Variants in HPS1 observed in about 807,000 individuals in gnomAD.
HPS1 encodes BLOC-3 complex member HPS1.
In HPS1, 59 loss-of-function variants were observed where a neutral mutation model predicts 90.6. The observed-to-expected ratio is 0.65, with a 90% CI of 0.53 to 0.81. The LOEUF (loss-of-function observed/expected upper bound fraction) is 0.81, where lower values mean the gene tolerates loss of function less well. Among genes scored for constraint, HPS1 ranks in the 30% least tolerant of loss-of-function variants. The probability of loss-of-function intolerance (pLI) is 0.00; values close to 1 mark genes in which losing one functional copy is unlikely to be tolerated. For synonymous variants in HPS1, 388 were observed against 384.4 expected (o/e 1.01, Z -0.11); for missense variants, 849 against 896.7 (o/e 0.95, Z 0.68).
intron 14 of HPS1, 102 bp from the exon 15 acceptor site, chr10:98,423,989 G>GT: frequency 3.3e-6 from 5 of 1,495,538 alleles, no homozygotes; most frequent in Non-Finnish European, 4.6e-6. Context: ...ACAGACCTGG[G>GT]GAGCCCTTCC....
chr10:98,435,343 C>T lies in HPS1; in HGVS notation c.327G>A (p.Leu109=). Residue 109 remains leucine, a synonymous_variant, in exon 5 of 20, where the codon CTG becomes CTA. Coordinates refer to ENST00000361490, the MANE Select transcript of HPS1 (RefSeq NM_000195.5). This position sits in a 1 kb window ranked among gnomAD's most constrained non-coding sequence, Gnocchi z 4.3. ...CTTCAAACAGGTACTTGAGCACATA[C>T]AGCTTCCGCCGCAGGTCCCCCTCGC... ...TESEGDLRRK[L]YVLKYLFEVH... is the part of the protein sequence containing the mutation. 6.2e-7 allele frequency: 1 copy of T among 1,613,980 alleles called. No individual in the cohort carries two copies. Among genetic ancestry groups the T allele is most frequent in the Non-Finnish European group, 8.5e-7 (1 of 1,180,006 alleles).
In HPS1 at chr10:98,445,724, T is replaced by C. The variant is rs894906268; in HGVS notation, c.-105-320A>G. Among the ~76,000 whole-genome samples, 1 of 152,168 alleles carries C rather than the reference T, an allele frequency of 6.6e-6. No homozygotes were observed. The highest frequency in any genetic ancestry group is 1.5e-5 in the Non-Finnish European group (1 of 68,024). ...CCCCAGGGAGCTTGCTAGGAGTGAC[T>C]GACGGGAGACAGCATAGCACATCCC... is the stretch of plus-strand genomic sequence containing the variant. On this transcript the variant is annotated intron_variant, in intron 1 of 19. Coordinates refer to ENST00000361490, the MANE Select transcript of HPS1 (RefSeq NM_000195.5). This position sits in a 1 kb window ranked among gnomAD's most constrained non-coding sequence, Gnocchi z 4.5.
chr10:98,422,339 C>T (rs1336965776), intron 17 of HPS1, 30 bp downstream of exon 17: 2 of 1,588,960 alleles, frequency 1.3e-6, no homozygotes, highest in Non-Finnish European at 8.6e-7. Flanking sequence ...CTGAGGCCCA[C>T]CCATCCCCGC....
chr10:98,438,882 T>A (rs916621482), intron 3 of HPS1, among the ~76,000 whole-genome samples: 2 of 152,272 alleles, frequency 1.3e-5, no homozygotes, highest in African/African-American at 4.8e-5. Flanking sequence ...AAGAAAAAAC[T>A]GTTTCAGGGG....
At chr10:98,426,054 C>A in intron 11 of HPS1, 69 bp from the exon 12 acceptor site, 1 of 1,330,004 alleles carries the variant, frequency 7.5e-7, no homozygotes, top group South Asian at 1.2e-5. Context: ...GCGGCCCTAT[C>A]TGTGAACCAC....
chr10:98,424,024 T>G, intron 14 of HPS1, 137 bp from the exon 15 acceptor site: 1 of 1,170,320 alleles, frequency 8.5e-7, no homozygotes, highest in Non-Finnish European at 1.2e-6. Flanking sequence ...CCCACTCTTG[T>G]ACCCAGGACA....
chr10:98,434,962 T>G, intron 5 of HPS1: 3 of 413,714 alleles, frequency 7.3e-6, no homozygotes, highest in East Asian at 5.3e-5. Flanking sequence ...TGACGGGTGA[T>G]GATGTTGGGA....
At position 98,434,201 on chromosome 10, in the gene HPS1, A is replaced by G. The variant is rs10748731; in HGVS notation, c.399-110T>C. Reference sequence around the variant, plus strand: ...CAGCATCAGAGCTTGGTGAGCCCATATGACCTGCCCACACAGCTGGGAAAG... The same window carrying G: ...CAGCATCAGAGCTTGGTGAGCCCATGTGACCTGCCCACACAGCTGGGAAAG... On this transcript the variant is annotated intron_variant, in intron 5 of 19. Coordinates refer to ENST00000361490, the MANE Select transcript of HPS1 (RefSeq NM_000195.5). 330,558 of 1,123,438 alleles carry G rather than the reference A, an allele frequency of 0.29. 49,221 individuals carry two copies. The highest frequency in any genetic ancestry group is 0.37 in the African/African-American group (23,719 of 64,650). 69.6% of individuals were successfully genotyped at this position (1,123,438 alleles called of 1,614,324 possible).
rs769932435 is a variant in HPS1 at position 98,435,367 on chromosome 10, G to A, written c.303C>T (p.Ser101=). 1.1e-5 allele frequency: 17 copies of A among 1,613,792 alleles called. No individual in the cohort carries two copies. Among genetic ancestry groups the A allele is most frequent in the East Asian group, 4.5e-5 (2 of 44,864 alleles). The change falls in exon 5 of 20, where the codon AGC becomes AGT. Residue 101 remains serine (S), a synonymous_variant. Coordinates refer to ENST00000361490, the MANE Select transcript of HPS1 (RefSeq NM_000195.5). This position sits in a 1 kb window ranked among gnomAD's most constrained non-coding sequence, Gnocchi z 4.3. ...FIAINGDHTE[S]EGDLRRKLYV... is the part of the protein sequence containing the mutation. The stretch of plus-strand genomic sequence containing the variant: ...ACAGCTTCCGCCGCAGGTCCCCCTC[G>A]CTCTCGGTGTGGTCACCATTGATGG...
intron 17 of HPS1, among the ~76,000 whole-genome samples, chr10:98,421,334 C>A (rs149515806): frequency 5.9e-5 from 9 of 152,280 alleles, no homozygotes; most frequent in African/African-American, 2.2e-4. Context: ...GAGATGGGGA[C>A]CCAGATGTAT....
intron 17 of HPS1, among the ~76,000 whole-genome samples, chr10:98,421,049 T>C (rs1476001864): frequency 6.6e-6 from 1 of 152,140 alleles, no homozygotes; most frequent in Admixed American, 6.5e-5. Flanking sequence ...GTGCTGCCGG[T>C]GAAGTGCCCC....
chr10:98,433,426 T>C (rs1846809218), intron 6 of HPS1, among the ~76,000 whole-genome samples: 1 of 152,220 alleles, frequency 6.6e-6, no homozygotes. Flanking sequence ...GGAGTGCTAC[T>C]GACCAGCAGC....
intron 17 of HPS1, among the ~76,000 whole-genome samples, chr10:98,421,380 A>T (rs1055658959): frequency 1.3e-5 from 2 of 152,250 alleles, no homozygotes; most frequent in Non-Finnish European, 2.9e-5. Context: ...TATAACAGCA[A>T]AAGCCTAGAA....
At chr10:98,420,313 G>C in intron 17 of HPS1, 155 bp from the exon 18 acceptor site, 2 of 680,520 alleles carry the variant, frequency 2.9e-6, no homozygotes, top group Non-Finnish European at 2.7e-6. Context: ...AGAGCAGGAG[G>C]CTCAACAATA....
chr10:98,426,014 G>A (rs1845559005), intron 11 of HPS1, 29 bp from the exon 12 acceptor site: 1 of 1,609,754 alleles, frequency 6.2e-7, no homozygotes, highest in Non-Finnish European at 8.5e-7. Flanking sequence ...TGCAGTGAGA[G>A]GTGGGATCCC....
chr10:98,429,325 T>A, intron 10 of HPS1: 1 of 1,432,626 alleles, frequency 7.0e-7, no homozygotes, highest in Non-Finnish European at 9.1e-7. Flanking sequence ...TACAGAAGTT[T>A]TAAATGAATC....
At chr10:98,418,646 T>G (rs1231432077) in intron 18 of HPS1, among the ~76,000 whole-genome samples, 2 of 152,166 alleles carry the variant, frequency 1.3e-5, no homozygotes, top group African/African-American at 4.8e-5. Flanking sequence ...GGAAGGGAAT[T>G]AAGATCTGCT....
At position 98,417,866 on chromosome 10, in the gene HPS1, C is replaced by T. The variant is rs1048842157; in HGVS notation, c.1941-140G>A. On this transcript the variant is annotated intron_variant, in intron 19 of 19. Transcript: ENST00000361490. The surrounding 1 kb of genome is among the most constrained non-coding windows in gnomAD (Gnocchi z 4.2). ...GCCCCTGCATGTGGGCCTTGACAAC[C>T]GCTCCGGTTCCTCACTGACCTAACA... 23 of 776,206 alleles carry T rather than the reference C, an allele frequency of 3.0e-5. No individual in the cohort carries two copies. Among genetic ancestry groups the T allele is most frequent in the Middle Eastern group, 7.2e-4 (2 of 2,784 alleles). The allele number at this position is 776,206 out of a possible 1,614,324, so 48.1% of individuals were successfully genotyped here. A position where few individuals can be genotyped will look rare whatever the true frequency, so the allele number is the denominator to read the frequency against.
Position 98,417,407 on chromosome 10 carries a change from G to A in HPS1, c.*157C>T, listed in dbSNP as rs1233301548. The A allele has an allele frequency of 1.6e-6, 1 of 606,514 alleles. No individual in the cohort carries two copies. The highest frequency in any genetic ancestry group is 2.9e-6 in the Non-Finnish European group (1 of 346,636). The allele number at this position is 606,514 out of a possible 1,614,324, so 37.6% of individuals were successfully genotyped here. On this transcript the variant is annotated 3_prime_UTR_variant, in exon 20 of 20. Coordinates refer to ENST00000361490, the MANE Select transcript of HPS1 (RefSeq NM_000195.5). The surrounding 1 kb of genome is among the most constrained non-coding windows in gnomAD (Gnocchi z 4.2). ...TTGCTCAGTACCTGACATGGAGGGT[G>A]GTCTAGGTGGGGTTTTAGAAGCCCT...
Sources: allele counts gnomAD v4.1 joint callset (sites outside exome capture counted in the v4.1 genomes callset), GRCh38; gene constraint gnomAD v4.1.1; non-coding constraint Gnocchi (gnomAD v3.1); transcripts MANE v1.5; gene names NCBI Gene and HGNC (gene_info 2026-07-23, HGNC 2026-07-21).